The following SSX3 variants were observed in gnomAD, a reference collection of about 807,000 sequenced individuals.
SSX3 encodes protein SSX3.
Under a neutral mutation model 14.8 loss-of-function variants are expected in SSX3, and 6 were observed. That is an observed-to-expected ratio of 0.41 (90% CI 0.22 to 0.80). SSX3 has a LOEUF of 0.80. Ranked by LOEUF, SSX3 falls within the 30% of genes least tolerant of loss-of-function variation. The probability of loss-of-function intolerance (pLI) is 0.34; values close to 1 mark genes in which losing one functional copy is unlikely to be tolerated. For missense variants in SSX3, 163 were observed against 152.2 expected (o/e 1.07, Z -0.37); for synonymous variants, 55 against 52.9 (o/e 1.04, Z -0.18).
At chrX:48,349,771 G>T (rs1485530522) in intron 6 of SSX3, 2 of 1,130,132 alleles carry the variant, frequency 1.8e-6, no homozygotes, top group Non-Finnish European at 2.3e-6. Flanking sequence ...GAGGAAATTT[G>T]GAAGACTTTC....
At chrX:48,351,242 A>G (rs2061261796) in intron 5 of SSX3, among the ~76,000 whole-genome samples, 3 of 111,206 alleles carry the variant, frequency 2.7e-5, no homozygotes, top group Admixed American at 1.9e-4. Context: ...TGGCAACCCA[A>G]CTCCCAGATC....
Position 48,346,821 on chromosome X carries a change from A to G in SSX3, c.*219T>C, listed in dbSNP as rs2061241378. 8.1e-6 allele frequency: 5 copies of G among 620,811 alleles called. No individual in the cohort carries two copies. 51.2% of individuals were successfully genotyped at this position (620,811 alleles called of 1,213,427 possible). ...CTTGCTCATCAGTGAAAATGTTAAT[A>G]TCTAACAGAATGACACACTTCAAGA... On this transcript the variant is annotated 3_prime_UTR_variant, in exon 8 of 8. Transcript: ENST00000298396.
intron 1 of SSX3, among the ~76,000 whole-genome samples, chrX:48,356,049 G>C (rs1169948363): frequency 1.8e-5 from 2 of 111,446 alleles, no homozygotes; most frequent in Non-Finnish European, 3.8e-5. Flanking sequence ...TGGTGGAGCA[G>C]GCCTGTACCA....
chrX:48,349,807 A>G, intron 6 of SSX3, 180 bp downstream of exon 6: 4 of 1,131,867 alleles, frequency 3.5e-6, no homozygotes, highest in Non-Finnish European at 4.7e-6. Context: ...TTTTTTTTAT[A>G]TGGATGACAA....
chrX:48,352,926 C>G (rs1282039924), intron 4 of SSX3, among the ~76,000 whole-genome samples: 1 of 111,799 alleles, frequency 8.9e-6, no homozygotes, highest in Middle Eastern at 4.2e-3. Flanking sequence ...CTTTCAAACT[C>G]TCTTTCAAGC....
chrX:48,353,534 A>G (rs2061272254), intron 4 of SSX3, among the ~76,000 whole-genome samples: 1 of 111,519 alleles, frequency 9.0e-6, no homozygotes, highest in South Asian at 3.8e-4. Flanking sequence ...CTGAGGCAGA[A>G]GAATCACTTG....
At chrX:48,349,251 T>C (rs1256875360) in intron 6 of SSX3, among the ~76,000 whole-genome samples, 4 of 111,380 alleles carry the variant, frequency 3.6e-5, no homozygotes, top group African/African-American at 1.3e-4. Context: ...ATGTGGCAAA[T>C]TTCATTGTTG....
intron 5 of SSX3, among the ~76,000 whole-genome samples, chrX:48,350,952 G>T (rs1472301681): frequency 9.2e-6 from 1 of 109,179 alleles, no homozygotes; most frequent in Non-Finnish European, 1.9e-5. Context: ...TGTATTTTTA[G>T]TAGAGACGAG....
intron 6 of SSX3, among the ~76,000 whole-genome samples, chrX:48,348,934 G>A (rs149909419): frequency 5.6e-4 from 63 of 112,031 alleles, no homozygotes; most frequent in African/African-American, 2.0e-3. Context: ...AGGTTGGTTC[G>A]TGAGGTTTAA....
intron 6 of SSX3, chrX:48,349,783 T>C: frequency 6.2e-6 from 7 of 1,129,196 alleles, no homozygotes; most frequent in Non-Finnish European, 8.2e-6. Context: ...AAGACTTTCC[T>C]CAAGTCACGT....
At chrX:48,349,561 C>A in intron 6 of SSX3, 1 of 1,208,278 alleles carries the variant, frequency 8.3e-7, no homozygotes, top group East Asian at 3.0e-5. Context: ...GGTCTGGAAC[C>A]GAACCTGCAG....
chrX:48,354,924 G>T, intron 2 of SSX3, 178 bp from the exon 3 acceptor site: 4 of 753,867 alleles, frequency 5.3e-6, no homozygotes, highest in Middle Eastern at 7.6e-4. Flanking sequence ...CCACACTGTC[G>T]GGCTTTAATG....
intron 1 of SSX3, 53 bp downstream of exon 1, chrX:48,356,581 C>T (rs1480284807): frequency 9.0e-6 from 1 of 110,970 alleles, no homozygotes; most frequent in Non-Finnish European, 1.9e-5. Flanking sequence ...AAATGCACCA[C>T]GGAGGAGGGG....
rs1316042876 is a variant in SSX3, at chrX:48,346,512, G to A, written c.*528C>T. 4 of 238,747 alleles carry A rather than the reference G, an allele frequency of 1.7e-5. No individual in the cohort carries two copies. In the East Asian group the frequency reaches 3.2e-4, roughly 19 times the overall value. 19.7% of individuals were successfully genotyped at this position (238,747 alleles called of 1,213,427 possible). On this transcript the variant is annotated 3_prime_UTR_variant, in exon 8 of 8. Coordinates refer to ENST00000298396, the MANE Select transcript of SSX3 (RefSeq NM_021014.4). ...GTACATGCTGACCAGGAAACAGAGT[G>A]AGGGAAGCCTGACCAGGACGCATGG...
intron 5 of SSX3, among the ~76,000 whole-genome samples, chrX:48,350,827 G>A (rs2061259505): frequency 9.6e-6 from 1 of 104,247 alleles, no homozygotes; most frequent in Non-Finnish European, 1.9e-5. Context: ...ATGGGGAGCC[G>A]TGGCATGATA....
intron 4 of SSX3, among the ~76,000 whole-genome samples, chrX:48,352,614 G>A (rs3884650): frequency 0.045 from 5,022 of 112,086 alleles, 299 homozygotes; most frequent in African/African-American, 0.16. Context: ...GTCCTTTAAC[G>A]TTAAAAACTT....
chrX:48,355,801 T>C (rs1283644299), intron 1 of SSX3, among the ~76,000 whole-genome samples: 3 of 111,682 alleles, frequency 2.7e-5, no homozygotes. Context: ...GGGTGATTTG[T>C]AAGTTATTAG....
At chrX:48,353,452 C>T (rs1443176706) in intron 4 of SSX3, among the ~76,000 whole-genome samples, 6 of 110,876 alleles carry the variant, frequency 5.4e-5, no homozygotes, top group Admixed American at 9.7e-5. Flanking sequence ...TGGTGAAACC[C>T]CGTCTCTACC....
At position 48,353,748 on chromosome X, in the gene SSX3, T is replaced by G. The variant is rs184793171; in HGVS notation, c.280+251A>C. 6.5e-3 allele frequency among the ~76,000 whole-genome samples: 728 copies of G among 112,170 alleles called. 8 individuals are homozygous for G. The highest frequency in any genetic ancestry group is 0.022 in the African/African-American group (683 of 30,929). ...CAGCCAGTCACCTTAGTTTGATGGCTTTTTATTCACATTCATGTTTGTATA... is the reference window on the plus strand; with the variant it reads ...CAGCCAGTCACCTTAGTTTGATGGCGTTTTATTCACATTCATGTTTGTATA... On this transcript the variant is annotated intron_variant, in intron 4 of 7. Coordinates refer to ENST00000298396, the MANE Select transcript of SSX3 (RefSeq NM_021014.4).
Sources: allele counts gnomAD v4.1 joint callset (sites outside exome capture counted in the v4.1 genomes callset), GRCh38; gene constraint gnomAD v4.1.1; transcripts MANE v1.5; gene names NCBI Gene and HGNC (gene_info 2026-07-23, HGNC 2026-07-21).